The following SGCD variants were observed in gnomAD, a reference collection of about 807,000 sequenced individuals.
SGCD encodes delta-sarcoglycan.
In SGCD, 18 loss-of-function variants were observed where a neutral mutation model predicts 36.6. That is an observed-to-expected ratio of 0.49 (90% CI 0.34 to 0.73). The LOEUF (loss-of-function observed/expected upper bound fraction) is 0.73, where lower values mean the gene tolerates loss of function less well. SGCD is among the 30% of genes least tolerant of loss of function. SGCD has a pLI of 0.01. For synonymous variants in SGCD, 133 were observed against 130.6 expected, an observed-to-expected ratio of 1.02 and a Z score of -0.12; for missense variants, 387 against 346.7, an observed-to-expected ratio of 1.12 and a Z score of -0.92.
At chr5:155,842,770 A>C in the SGCD span, among the ~76,000 whole-genome samples, 1 of 151,918 alleles carries the variant, frequency 6.6e-6, no homozygotes, top group Non-Finnish European at 1.5e-5. Flanking sequence ...AAAGTGTTTT[A>C]ATATTTTTGT....
rs576835016 is a variant in SGCD at position 155,907,735 on chromosome 5, A to G, written c.-282+37311A>G. Reference sequence around the variant, plus strand: ...TAAGCAAGGAAAGTGGTTCCTTGAAATGGAGCCTACTCCTGGTGAGGATGC... The same window carrying G: ...TAAGCAAGGAAAGTGGTTCCTTGAAGTGGAGCCTACTCCTGGTGAGGATGC... On this transcript the variant is annotated intron_variant, in intron 1 of 9. Transcript: ENST00000517913. Among the ~76,000 whole-genome samples the G allele has an allele frequency of 4.6e-5, 7 of 152,310 alleles. No homozygotes were observed. The East Asian group carries it at 1.3e-3, about 29-fold the overall frequency.
intron 7 of SGCD, among the ~76,000 whole-genome samples, chr5:156,693,847 A>C (rs1327545440): frequency 6.6e-6 from 1 of 152,194 alleles, no homozygotes; most frequent in African/African-American, 2.4e-5. Context: ...AGGATTTTCT[A>C]TCTTTCCTGG....
the SGCD span, among the ~76,000 whole-genome samples, chr5:155,809,992 C>G: frequency 6.6e-6 from 1 of 152,162 alleles, no homozygotes; most frequent in South Asian, 2.1e-4. Flanking sequence ...CTAAGATTAT[C>G]TATCTCCTCA....
At chr5:155,881,906 T>C (rs1203245204) in intron 1 of SGCD, among the ~76,000 whole-genome samples, 1 of 152,204 alleles carries the variant, frequency 6.6e-6, no homozygotes, top group Admixed American at 6.5e-5. Context: ...TGAAGTTTTA[T>C]CATGAGACTG....
chr5:156,200,777 A>G (rs1159760845), intron 3 of SGCD, among the ~76,000 whole-genome samples: 1 of 152,170 alleles, frequency 6.6e-6, no homozygotes, highest in African/African-American at 2.4e-5. Flanking sequence ...TCTCAAAGAC[A>G]TATTCACACA....
chr5:156,368,600 A>C (rs1770228561), intron 3 of SGCD, among the ~76,000 whole-genome samples: 1 of 152,182 alleles, frequency 6.6e-6, no homozygotes, highest in Non-Finnish European at 1.5e-5. Flanking sequence ...CTGGCTAGCA[A>C]GCAAAGCTTC....
At chr5:156,335,387 C>A (rs561593333) in intron 2 of SGCD, among the ~76,000 whole-genome samples, 2 of 152,226 alleles carry the variant, frequency 1.3e-5, no homozygotes, top group South Asian at 4.2e-4. Context: ...TCAGGACTTG[C>A]CTGAGAGGTA....
the SGCD span, among the ~76,000 whole-genome samples, chr5:155,842,965 T>A: frequency 6.6e-6 from 1 of 152,212 alleles, no homozygotes; most frequent in African/African-American, 2.4e-5. Context: ...ATTATAAGAC[T>A]ATCAACTCCA....
intron 3 of SGCD, among the ~76,000 whole-genome samples, chr5:156,471,734 G>A (rs1305529640): frequency 6.6e-6 from 1 of 152,086 alleles, no homozygotes; most frequent in South Asian, 2.1e-4. Context: ...ATAAGTTTGA[G>A]AGTCAAATAT....
chr5:156,420,323 T>C (rs1054067416), intron 3 of SGCD, among the ~76,000 whole-genome samples: 2 of 152,114 alleles, frequency 1.3e-5, no homozygotes, highest in South Asian at 2.1e-4. Flanking sequence ...ATAGCATAAA[T>C]GCAAGAGCAG....
At chr5:156,560,390 AG>A (rs773221534) in intron 4 of SGCD, among the ~76,000 whole-genome samples, 1 of 152,212 alleles carries the variant, frequency 6.6e-6, no homozygotes, top group Non-Finnish European at 1.5e-5. Context: ...CTGGTTGAAG[AG>A]GGAAATCTGG....
intron 1 of SGCD, among the ~76,000 whole-genome samples, chr5:155,979,372 A>G (rs1758181740): frequency 6.6e-6 from 1 of 152,182 alleles, no homozygotes; most frequent in Non-Finnish European, 1.5e-5. Flanking sequence ...TATAAGGTGA[A>G]CTCATGGGGA....
Position 155,889,842 on chromosome 5 carries a change from TG to T in SGCD, c.-282+19421del, listed in dbSNP as rs1454552583. Among the ~76,000 whole-genome samples, 6 of 152,296 alleles carry T rather than the reference TG, an allele frequency of 3.9e-5. No homozygotes were observed. In the East Asian group the frequency reaches 1.2e-3, roughly 29 times the overall value. On this transcript the variant is annotated intron_variant, in intron 1 of 9. Coordinates refer to the SGCD transcript ENST00000517913. ...ATCTCATGGCCATTTGGACCTCTTG[TG>T]GGCACCCGCCCTATTCCTTGGGCTG... is the stretch of plus-strand genomic sequence containing the variant.
chr5:156,329,458 G>A (rs147594839), intron 1 of SGCD, 76 bp from the exon 2 acceptor site: 7 of 1,009,964 alleles, frequency 6.9e-6, no homozygotes, highest in Non-Finnish European at 1.1e-5. Flanking sequence ...GGCATTGCCT[G>A]AGGGTTCAGA....
intron 1 of SGCD, among the ~76,000 whole-genome samples, chr5:156,097,288 C>G (rs1761402866): frequency 6.6e-6 from 1 of 152,150 alleles, no homozygotes; most frequent in South Asian, 2.1e-4. Flanking sequence ...TTTAAATACT[C>G]TCAGCATCTC....
chr5:156,202,570 G>C (rs1231211371), intron 3 of SGCD, among the ~76,000 whole-genome samples: 2 of 152,098 alleles, frequency 1.3e-5, no homozygotes, highest in Admixed American at 6.6e-5. Context: ...GACAGTCAAA[G>C]TCTCTTCTAA....
intron 4 of SGCD, among the ~76,000 whole-genome samples, chr5:156,559,360 T>G (rs1759179539): frequency 6.6e-6 from 1 of 152,152 alleles, no homozygotes; most frequent in Admixed American, 6.5e-5. Context: ...AAGAAAGGTA[T>G]CAGTAGGTCA....
chr5:156,579,396 G>T (rs1760140078), intron 4 of SGCD, among the ~76,000 whole-genome samples: 1 of 152,188 alleles, frequency 6.6e-6, no homozygotes, highest in Non-Finnish European at 1.5e-5. Flanking sequence ...CTGTTGATTT[G>T]GGGTGGAGAG....
the SGCD span, among the ~76,000 whole-genome samples, chr5:155,784,549 T>C: frequency 2.6e-5 from 4 of 151,506 alleles, no homozygotes; most frequent in Non-Finnish European, 4.4e-5. Context: ...ATTTAGAGGA[T>C]GGTTGCAGTT....
Sources: gnomAD v4.1 joint callset for allele counts (sites outside exome capture counted in the v4.1 genomes callset) on GRCh38, gnomAD v4.1.1 for gene constraint, MANE v1.5 for transcripts, NCBI Gene and HGNC (gene_info 2026-07-23, HGNC 2026-07-21) for gene names.